MGAT4D: variants seen among roughly 807,000 people sequenced by gnomAD.
MGAT4D encodes MGAT4 family member D, also known as alpha-1,3-mannosyl-glycoprotein 4-beta-N-acetylglucosaminyltransferase-like protein MGAT4D.
In MGAT4D, 34 loss-of-function variants were observed where a neutral mutation model predicts 15.9. The observed-to-expected ratio is 2.14, with a 90% confidence interval of 1.62 to 2.84. The LOEUF (loss-of-function observed/expected upper bound fraction) is 2.84, where lower values mean the gene tolerates loss of function less well. MGAT4D is among the 30% of genes most tolerant of loss of function. The pLI, the probability that MGAT4D is intolerant of heterozygous loss-of-function variation, is 0.00. For synonymous variants in MGAT4D, 112 were observed against 48.2 expected (o/e 2.33, Z -5.49); for missense variants, 327 against 140.2 (o/e 2.33, Z -6.73).
chr4:140,470,884 A>T (rs1008668166), intron 5 of MGAT4D, among the ~76,000 whole-genome samples: 27 of 144,058 alleles, frequency 1.9e-4, no homozygotes, highest in South Asian at 1.1e-3. Context: ...CCTTTATTTT[A>T]TAATTTTTTT....
chr4:140,452,755 AT>A (rs1425255220), intron 9 of MGAT4D, among the ~76,000 whole-genome samples: 3 of 152,162 alleles, frequency 2.0e-5, no homozygotes, highest in African/African-American at 7.2e-5. Context: ...AAAATTTTTA[AT>A]TTTGATGAGG....
At chr4:140,447,158 G>A (rs1431724317) in intron 10 of MGAT4D, among the ~76,000 whole-genome samples, 1 of 152,076 alleles carries the variant, frequency 6.6e-6, no homozygotes, top group Non-Finnish European at 1.5e-5. Flanking sequence ...TATGTGCCAT[G>A]TGGTTATGAG....
chr4:140,479,506 G>T lies in MGAT4D; in HGVS notation c.375C>A (p.Gly125=). The T allele has an allele frequency of 2.0e-6, 1 of 502,166 alleles. No homozygotes were observed. Among genetic ancestry groups the T allele is most frequent in the South Asian group, 3.1e-5 (1 of 31,854 alleles). 31.1% of individuals were successfully genotyped at this position (502,166 alleles called of 1,614,324 possible). ...TTTTCTTACCACCAGTTTTCCCTTT[G>T]CCAATGATTACATCAGGATAAATTC... ...EGRIYPDVII[G]KGKTGVSFAL... is the part of the protein sequence containing the mutation. The change falls in exon 3 of 11, where the codon GGC becomes GGA. Residue 125 remains glycine, a synonymous_variant. Transcript: ENST00000511113.
At chr4:140,445,237 T>A (rs576047271) in intron 10 of MGAT4D, among the ~76,000 whole-genome samples, 59 of 152,316 alleles carry the variant, frequency 3.9e-4, no homozygotes, top group African/African-American at 1.3e-3. Flanking sequence ...AGATGGTATC[T>A]CACTGTGGTT....
In MGAT4D at chr4:140,466,416, G is replaced by C. The variant is rs192323207; in HGVS notation, c.573-1407C>G. Among the ~76,000 whole-genome samples the C allele has an allele frequency of 3.3e-5, 5 of 152,218 alleles. No individual in the cohort carries two copies. In the East Asian group the frequency reaches 9.6e-4, roughly 29 times the overall value. On this transcript the variant is annotated intron_variant, in intron 5 of 10. Transcript: ENST00000511113. Reference sequence around the variant, plus strand: ...TGAAAACACAAATGATAAAATGCTGGAACTGATCCAAACTTAGAAAGGAGT... The same window carrying C: ...TGAAAACACAAATGATAAAATGCTGCAACTGATCCAAACTTAGAAAGGAGT...
intron 9 of MGAT4D, among the ~76,000 whole-genome samples, chr4:140,451,983 G>C (rs1243890093): frequency 2.3e-5 from 2 of 85,948 alleles, no homozygotes; most frequent in Non-Finnish European, 4.6e-5. Context: ...AAAGAATCTG[G>C]ATAATTTTCT....
intron 2 of MGAT4D, among the ~76,000 whole-genome samples, chr4:140,480,487 C>A (rs946505010): frequency 6.6e-6 from 1 of 151,914 alleles, no homozygotes; most frequent in African/African-American, 2.4e-5. Flanking sequence ...GAAAAATTCA[C>A]AAATCAGACT....
rs367846107 is a variant in MGAT4D at position 140,476,665 on chromosome 4, G to A, written c.392-1719C>T. 1.1e-4 allele frequency among the ~76,000 whole-genome samples: 17 copies of A among 152,102 alleles called. No individual in the cohort carries two copies. In the South Asian group the frequency reaches 3.1e-3, roughly 28 times the overall value. ...TTTTTTTCAACTACCCACACTTTTC[G>A]AATTGACCAAATACCACTCTTACCT... On this transcript the variant is annotated intron_variant, in intron 3 of 10. Transcript: ENST00000511113.
chr4:140,442,562 A>C lies in MGAT4D; in HGVS notation c.*874T>G, dbSNP rs895648765. The C allele has an allele frequency of 1.7e-4, 26 of 152,294 alleles. No individual in the cohort carries two copies. Among genetic ancestry groups the C allele is most frequent in the African/African-American group, 5.8e-4 (24 of 41,572 alleles). 9.4% of individuals were successfully genotyped at this position (152,294 alleles called of 1,614,324 possible). A position where few individuals can be genotyped will look rare whatever the true frequency, so the allele number is the denominator to read the frequency against. On this transcript the variant is annotated 3_prime_UTR_variant, in exon 11 of 11. Transcript: ENST00000511113. ...CAACCAAATTAGAAAGCCTGATATA[A>C]GAGAATTTTGCACCCAATAGATAGG...
At chr4:140,484,740 A>C (rs975096513) in intron 1 of MGAT4D, among the ~76,000 whole-genome samples, 1 of 152,230 alleles carries the variant, frequency 6.6e-6, no homozygotes, top group African/African-American at 2.4e-5. Context: ...AAGTGGGCAA[A>C]GGATATGAAC....
At chr4:140,460,216 G>A (rs1731083048) in intron 7 of MGAT4D, among the ~76,000 whole-genome samples, 1 of 152,138 alleles carries the variant, frequency 6.6e-6, no homozygotes, top group Admixed American at 6.5e-5. Context: ...TCTAGTTTAA[G>A]ACTGTCTTAG....
At chr4:140,448,254 G>A (rs530789617) in intron 10 of MGAT4D, among the ~76,000 whole-genome samples, 14 of 152,240 alleles carry the variant, frequency 9.2e-5, no homozygotes, top group East Asian at 3.9e-4. Context: ...CCTCTCTAGC[G>A]AGGGTGGAGA....
intron 10 of MGAT4D, among the ~76,000 whole-genome samples, chr4:140,451,196 C>A (rs191651629): frequency 3.9e-5 from 6 of 152,194 alleles, no homozygotes; most frequent in Non-Finnish European, 8.8e-5. Flanking sequence ...TTTATGTAGG[C>A]TGAATTCTTC....
At chr4:140,482,648 C>A (rs186114667) in intron 1 of MGAT4D, among the ~76,000 whole-genome samples, 163 bp from the exon 2 acceptor site, 3 of 151,456 alleles carry the variant, frequency 2.0e-5, no homozygotes, top group Admixed American at 6.6e-5. Context: ...ATAGTATATA[C>A]CACATGTGTA....
chr4:140,458,764 T>C (rs1439990004), intron 8 of MGAT4D: 2 of 152,138 alleles, frequency 1.3e-5, no homozygotes, highest in Non-Finnish European at 2.9e-5. Context: ...ACATGGATAT[T>C]GTATATTTAT....
intron 5 of MGAT4D, among the ~76,000 whole-genome samples, chr4:140,469,959 G>A (rs1337266705): frequency 2.6e-5 from 4 of 152,254 alleles, no homozygotes; most frequent in African/African-American, 4.8e-5. Context: ...GCGGGGTACC[G>A]GTTGGCCTCT....
At chr4:140,450,229 G>T in intron 10 of MGAT4D, 1 of 240,374 alleles carries the variant, frequency 4.2e-6, no homozygotes, top group East Asian at 7.9e-5. Flanking sequence ...AAAAAAGCCA[G>T]CATTATAACA....
intron 5 of MGAT4D, among the ~76,000 whole-genome samples, chr4:140,467,635 T>G (rs911929251): frequency 3.9e-5 from 6 of 152,188 alleles, no homozygotes; most frequent in Non-Finnish European, 5.9e-5. Context: ...TCTAAAACTT[T>G]TATAGCTTGT....
In MGAT4D at chr4:140,485,465, T is replaced by G. The variant is rs1282932662; in HGVS notation, c.95-2980A>C. Among the ~76,000 whole-genome samples the G allele has an allele frequency of 2.6e-5, 4 of 151,894 alleles. No homozygotes were observed. In the East Asian group the frequency reaches 7.7e-4, roughly 29 times the overall value. Reference sequence around the variant, plus strand: ...TACCTAATGCTAAATGACGAGATAGTGGGTGCAGCATACCAGCATGGCACA... The same window carrying G: ...TACCTAATGCTAAATGACGAGATAGGGGGTGCAGCATACCAGCATGGCACA... On this transcript the variant is annotated intron_variant, in intron 1 of 10. Coordinates refer to ENST00000511113, the MANE Select transcript of MGAT4D (RefSeq NM_001277353.2).
Sources: gnomAD v4.1 joint callset for allele counts (sites outside exome capture counted in the v4.1 genomes callset) on GRCh38, gnomAD v4.1.1 for gene constraint, MANE v1.5 for transcripts, NCBI Gene and HGNC (gene_info 2026-07-23, HGNC 2026-07-21) for gene names.